Variants in CDH6 observed in about 807,000 individuals in gnomAD.
CDH6 encodes cadherin 6, also known as cadherin-6.
In CDH6, 31 loss-of-function variants were observed where a neutral mutation model predicts 78.0. That is an observed-to-expected ratio of 0.40 (90% CI 0.30 to 0.54). The LOEUF (loss-of-function observed/expected upper bound fraction) is 0.54. CDH6 is among the 20% of genes least tolerant of loss of function. The pLI, the probability that CDH6 is intolerant of heterozygous loss-of-function variation, is 0.56. For synonymous variants in CDH6, 376 were observed against 368.8 expected (o/e 1.02, Z -0.23); for missense variants, 724 against 975.9 (o/e 0.74, Z 3.44).
intron 7 of CDH6, among the ~76,000 whole-genome samples, chr5:31,310,608 T>C (rs1340146342): frequency 6.6e-6 from 1 of 152,218 alleles, no homozygotes; most frequent in African/African-American, 2.4e-5. Flanking sequence ...TCTCCACCAC[T>C]GCAGCAGATT....
chr5:31,258,727 C>T (rs1407999158), intron 1 of CDH6, among the ~76,000 whole-genome samples: 3 of 152,006 alleles, frequency 2.0e-5, no homozygotes, highest in African/African-American at 7.3e-5. Context: ...TTACCTGGCA[C>T]ATTTGTTTGC....
intron 1 of CDH6, among the ~76,000 whole-genome samples, chr5:31,262,857 G>T (rs182350236): frequency 1.1e-4 from 16 of 152,216 alleles, no homozygotes; most frequent in Non-Finnish European, 4.4e-5. Context: ...TACTTTGCCT[G>T]CTCAGAAATC....
intron 8 of CDH6, among the ~76,000 whole-genome samples, chr5:31,315,752 G>A (rs756557139): frequency 9.9e-5 from 15 of 152,174 alleles, no homozygotes; most frequent in Non-Finnish European, 1.9e-4. Flanking sequence ...ATTAAATAAC[G>A]TAATACAGCA....
At chr5:31,309,085 C>A (rs552059219) in intron 7 of CDH6, among the ~76,000 whole-genome samples, 1 of 152,054 alleles carries the variant, frequency 6.6e-6, no homozygotes, top group Non-Finnish European at 1.5e-5. Flanking sequence ...AATATTGATT[C>A]ATGACATAAA....
chr5:31,318,262 CGTT>C (rs954140480), intron 11 of CDH6: 2 of 557,712 alleles, frequency 3.6e-6, no homozygotes, highest in African/African-American at 1.9e-5. Context: ...ACTTGGAAAA[CGTT>C]GTTAAGTGTC....
At position 31,290,327 on chromosome 5, in the gene CDH6, C is replaced by T. The variant is rs142150756; in HGVS notation, c.229-3635C>T. On this transcript the variant is annotated intron_variant, in intron 2 of 11. Transcript: ENST00000265071. ...CAAAGACCAAGAGCTCCCTCTGGCA[C>T]GAAATGCTACAGGTACAGTAGTAAA... is the stretch of plus-strand genomic sequence containing the variant. Among the ~76,000 whole-genome samples the T allele has an allele frequency of 7.9e-5, 12 of 152,200 alleles. No individual in the cohort carries two copies. The East Asian group carries it at 1.5e-3, about 20-fold the overall frequency.
intron 1 of CDH6, among the ~76,000 whole-genome samples, chr5:31,252,629 G>A (rs1741941733): frequency 6.6e-6 from 1 of 152,084 alleles, no homozygotes; most frequent in African/African-American, 2.4e-5. Context: ...AATACATTAG[G>A]AAATTCTATT....
rs201793108 is a variant in CDH6 at position 31,280,904 on chromosome 5, CA to C, written c.229-13044del. On this transcript the variant is annotated intron_variant, in intron 2 of 11. Transcript: ENST00000265071. ...TTTGAAATCTAAGCTGGCTCCCAAG[CA>C]AAAAAAAAAAAAACTAATAAATGAG... 2.9e-3 allele frequency among the ~76,000 whole-genome samples: 337 copies of C among 117,264 alleles called. 4 individuals are homozygous for C. The highest frequency in any genetic ancestry group is 2.9e-3 in the South Asian group (11 of 3,820). 76.9% of individuals were successfully genotyped at this position (117,264 alleles called of 152,430 possible).
In CDH6 at chr5:31,323,000, C is replaced by T. The variant is rs771395680; in HGVS notation, c.2065C>T (p.Arg689Ter). Residue 689 changes from arginine to a stop codon, truncating the protein, a stop_gained, in exon 12 of 12, where the codon CGA (arginine) becomes TGA (stop). Transcript: ENST00000265071. LOFTEE classifies it high-confidence loss of function. ...NPEAIEDNKL[R>*]RDIVPEALFL... is the part of the protein sequence containing the mutation. The stretch of plus-strand genomic sequence containing the variant: ...TGAAGCCATAGAGGACAACAAATTA[C>T]GAAGGGACATTGTGCCCGAAGCCCT... The T allele has an allele frequency of 1.2e-6, 2 of 1,614,126 alleles. No homozygotes were observed. The highest frequency in any genetic ancestry group is 1.7e-5 in the Admixed American group (1 of 60,012).
intron 3 of CDH6, 24 bp from the exon 4 acceptor site, chr5:31,297,265 C>T (rs1737636118): frequency 1.2e-6 from 2 of 1,601,884 alleles, no homozygotes; most frequent in African/African-American, 1.3e-5. Context: ...GATGTGTTTT[C>T]AGTTTATATT....
intron 1 of CDH6, among the ~76,000 whole-genome samples, chr5:31,254,304 T>C (rs1741992970): frequency 6.6e-6 from 1 of 152,196 alleles, no homozygotes; most frequent in East Asian, 1.9e-4. Context: ...AAGTGCTTCC[T>C]TTAAGTGAAA....
intron 6 of CDH6, among the ~76,000 whole-genome samples, chr5:31,303,736 T>C (rs974390507): frequency 1.3e-5 from 2 of 152,188 alleles, no homozygotes; most frequent in African/African-American, 4.8e-5. Context: ...AAAGCATCGG[T>C]GGATGTAAAT....
intron 2 of CDH6, among the ~76,000 whole-genome samples, chr5:31,273,814 T>C (rs1005510466): frequency 6.6e-6 from 1 of 152,262 alleles, no homozygotes; most frequent in African/African-American, 2.4e-5. Context: ...CCTTTCACTT[T>C]TTAATTTCCA....
chr5:31,302,362 AC>A, intron 6 of CDH6, 64 bp downstream of exon 6: 2 of 1,175,746 alleles, frequency 1.7e-6, no homozygotes, highest in Non-Finnish European at 2.4e-6. Context: ...TTCCTAAGTT[AC>A]CAGGGGCAAT....
intron 1 of CDH6, among the ~76,000 whole-genome samples, chr5:31,235,412 C>T (rs183400004): frequency 2.0e-5 from 3 of 151,840 alleles, no homozygotes; most frequent in Admixed American, 1.3e-4. Context: ...ATTTCAAACT[C>T]GACAGTTATA....
chr5:31,256,236 G>A (rs534605238), intron 1 of CDH6, among the ~76,000 whole-genome samples: 2 of 152,072 alleles, frequency 1.3e-5, no homozygotes, highest in South Asian at 2.1e-4. Flanking sequence ...AGGAACGGTC[G>A]GTAAGTAATG....
At chr5:31,292,813 A>G (rs1737423355) in intron 2 of CDH6, among the ~76,000 whole-genome samples, 1 of 76,738 alleles carries the variant, frequency 1.3e-5, no homozygotes, top group Non-Finnish European at 3.6e-5. Flanking sequence ...GCATATATAT[A>G]TATGTGTGCA....
rs1168001914 is a variant in CDH6 at position 31,327,346 on chromosome 5, A to G, written c.*4038A>G. 5.2e-6 allele frequency: 1 copy of G among 192,544 alleles called. No homozygotes were observed. Among genetic ancestry groups the G allele is most frequent in the Non-Finnish European group, 1.1e-5 (1 of 92,156 alleles). 11.9% of individuals were successfully genotyped at this position (192,544 alleles called of 1,614,324 possible). ...CCACCAAATAAATTATTTTATCCTA[A>G]TAACTAGTTTTGAAGCAGTGTAATT... On this transcript the variant is annotated 3_prime_UTR_variant, in exon 12 of 12. Coordinates refer to ENST00000265071, the MANE Select transcript of CDH6 (RefSeq NM_004932.4).
chr5:31,284,294 C>A (rs1011797689), intron 2 of CDH6, among the ~76,000 whole-genome samples: 1 of 152,214 alleles, frequency 6.6e-6, no homozygotes, highest in Admixed American at 6.5e-5. Context: ...TAGGAATTGG[C>A]CCTTCCATCT....
Sources: gnomAD v4.1 joint callset for allele counts (sites outside exome capture counted in the v4.1 genomes callset) on GRCh38, gnomAD v4.1.1 for gene constraint, MANE v1.5 for transcripts, NCBI Gene and HGNC (gene_info 2026-07-23, HGNC 2026-07-21) for gene names.